The following PCDHA11 variants were observed in gnomAD, a reference collection of about 807,000 sequenced individuals.
PCDHA11 encodes protocadherin alpha-11.
Under a neutral mutation model 70.3 loss-of-function variants are expected in PCDHA11, and 61 were observed. The observed-to-expected ratio is 0.87, with a 90% CI of 0.71 to 1.07. The LOEUF is 1.07. Among genes scored for constraint, PCDHA11 ranks in the 50% least tolerant of loss-of-function variants. The probability of loss-of-function intolerance (pLI) is 0.00; values close to 1 mark genes in which losing one functional copy is unlikely to be tolerated. For missense variants in PCDHA11, 1,324 were observed against 1,237.5 expected, an observed-to-expected ratio of 1.07 and a Z score of -1.05; for synonymous variants, 633 against 555.1, an observed-to-expected ratio of 1.14 and a Z score of -1.97.
chr5:140,942,601 G>T (rs562403777), intron 1 of PCDHA11, among the ~76,000 whole-genome samples: 1 of 130,586 alleles, frequency 7.7e-6, no homozygotes, highest in South Asian at 2.4e-4. Flanking sequence ...TAATTATAGT[G>T]TTTATATTTG....
intron 1 of PCDHA11, among the ~76,000 whole-genome samples, chr5:140,872,315 AAAT>A (rs1554166135): frequency 1.3e-5 from 2 of 152,130 alleles, no homozygotes. Context: ...TGCTTTATGG[AAAT>A]AATATGACTA....
chr5:140,870,750 G>C lies in PCDHA11; in HGVS notation c.1647G>C (p.Thr549=). 2 of 1,613,506 alleles carry C rather than the reference G, an allele frequency of 1.2e-6. No individual in the cohort carries two copies. The highest frequency in any genetic ancestry group is 1.7e-6 in the Non-Finnish European group (2 of 1,179,892). ...TGCCGCCTCTGAGCAGCAACGTGAC[G>C]CTGCAGGTGTTCGTGCTGGACGAGA... ...AGVPPLSSNV[T]LQVFVLDEND... is the part of the protein sequence containing the mutation. Residue 549 remains threonine (T), a synonymous_variant, in exon 1 of 4, where the codon ACG becomes ACC. Transcript: ENST00000398640.
chr5:140,976,788 G>A (rs969853431), intron 1 of PCDHA11, among the ~76,000 whole-genome samples: 4 of 152,218 alleles, frequency 2.6e-5, no homozygotes, highest in Middle Eastern at 3.4e-3. Flanking sequence ...ATATAGCTAC[G>A]CTTTTATGAA....
chr5:140,887,526 C>G (rs914597781), intron 1 of PCDHA11, among the ~76,000 whole-genome samples: 10 of 152,086 alleles, frequency 6.6e-5, no homozygotes, highest in Admixed American at 1.3e-4. Flanking sequence ...ATATATGAGT[C>G]TTCCTCTCCC....
chr5:141,010,341 T>G lies in PCDHA11; in HGVS notation c.*404T>G, dbSNP rs199826290. The stretch of plus-strand genomic sequence containing the variant: ...GAGCAGCTTGGGAGTTTGTGGCCAC[T>G]GGGTATGTGTGGCTACCGCGGGTAT... On this transcript the variant is annotated 3_prime_UTR_variant, in exon 4 of 4. Transcript: ENST00000398640. The G allele has an allele frequency of 4.0e-6, 6 of 1,503,220 alleles. No individual in the cohort carries two copies. Among genetic ancestry groups the G allele is most frequent in the Non-Finnish European group, 4.5e-6 (5 of 1,119,592 alleles). The allele number at this position is 1,503,220 out of a possible 1,614,324, so 93.1% of individuals were successfully genotyped here.
chr5:140,900,496 C>G (rs1476220010), intron 1 of PCDHA11, among the ~76,000 whole-genome samples: 2 of 152,212 alleles, frequency 1.3e-5, no homozygotes, highest in Admixed American at 6.5e-5. Flanking sequence ...AGACTGGTCT[C>G]AAATTCCCAG....
At chr5:140,999,892 G>A (rs1329841334) in intron 3 of PCDHA11, among the ~76,000 whole-genome samples, 1 of 152,134 alleles carries the variant, frequency 6.6e-6, no homozygotes, top group Non-Finnish European at 1.5e-5. Context: ...GCTGTAGCTT[G>A]GGACACCAAA....
intron 1 of PCDHA11, among the ~76,000 whole-genome samples, chr5:140,932,481 C>T (rs945796094): frequency 6.6e-6 from 1 of 151,842 alleles, no homozygotes; most frequent in African/African-American, 2.4e-5. Flanking sequence ...AGGATATCTC[C>T]TCTTTGCAAT....
chr5:140,895,631 C>T (rs1227407918), intron 1 of PCDHA11, among the ~76,000 whole-genome samples: 4 of 152,106 alleles, frequency 2.6e-5, no homozygotes, highest in African/African-American at 9.7e-5. Context: ...TGTCTTTTCA[C>T]ATTCTTTTTT....
chr5:140,869,184 G>C lies in PCDHA11; in HGVS notation c.81G>C (p.Gly27=). The C allele has an allele frequency of 6.2e-7, 1 of 1,613,954 alleles. No homozygotes were observed. Among genetic ancestry groups the C allele is most frequent in the Non-Finnish European group, 8.5e-7 (1 of 1,179,908 alleles). Reference sequence around the variant, plus strand: ...TCCTCCTCGAATTCTGGGAGGTGGGGAGCGGCCAGCTCCACTACTCCGTCT... The same window carrying C: ...TCCTCCTCGAATTCTGGGAGGTGGGCAGCGGCCAGCTCCACTACTCCGTCT... ...WLLLLEFWEV[G]SGQLHYSVSE... The change falls in exon 1 of 4, where the codon GGG becomes GGC. Residue 27 remains glycine, a synonymous_variant. Transcript: ENST00000398640.
chr5:140,972,621 G>T (rs1278363112), intron 1 of PCDHA11, among the ~76,000 whole-genome samples: 1 of 148,458 alleles, frequency 6.7e-6, no homozygotes, highest in South Asian at 2.1e-4. Flanking sequence ...ACTGAATGTT[G>T]TTGGCACTCC....
rs2153432469 is a variant in PCDHA11, at chr5:140,890,949, A to C, written c.2391+19455A>C. On this transcript the variant is annotated intron_variant, in intron 1 of 3. Transcript: ENST00000398640. The stretch of plus-strand genomic sequence containing the variant: ...CTTTAGTCCAAAGATGCTGGTGAGG[A>C]ATGATTTCAGGTTTTGTTTTTCTGA... 2.0e-5 allele frequency among the ~76,000 whole-genome samples: 3 copies of C among 152,248 alleles called. No individual in the cohort carries two copies. The South Asian group carries it at 6.2e-4, about 32-fold the overall frequency.
chr5:140,968,899 A>T (rs782594245), intron 1 of PCDHA11: 7 of 1,614,130 alleles, frequency 4.3e-6, no homozygotes, highest in Non-Finnish European at 5.1e-6. Flanking sequence ...TAATAATAGC[A>T]TTAAGCACAG....
chr5:140,924,931 T>C (rs1414085243), intron 1 of PCDHA11, among the ~76,000 whole-genome samples: 1 of 125,890 alleles, frequency 7.9e-6, no homozygotes, highest in Admixed American at 8.0e-5. Context: ...TAAAATAAAA[T>C]AAAATAAAAA....
chr5:140,870,590 G>A lies in PCDHA11; in HGVS notation c.1487G>A (p.Arg496Gln), dbSNP rs1238282556. The change falls in exon 1 of 4, where the codon CGG becomes CAG. Residue 496 changes from arginine to glutamine, a missense_variant. Transcript: ENST00000398640. ...NALVSYSLVE[R>Q]RLGDRALSSY... ...CTGGTGTCCTACTCGCTGGTGGAGC[G>A]GCGGTTGGGCGACCGCGCGCTGTCG... 1.9e-6 allele frequency: 3 copies of A among 1,613,446 alleles called. No individual in the cohort carries two copies. Among genetic ancestry groups the A allele is most frequent in the Non-Finnish European group, 2.5e-6 (3 of 1,179,906 alleles).
chr5:140,973,203 A>T (rs1554234958), intron 1 of PCDHA11, among the ~76,000 whole-genome samples: 1 of 152,196 alleles, frequency 6.6e-6, no homozygotes, highest in Non-Finnish European at 1.5e-5. Flanking sequence ...ATGTGTGCAT[A>T]TTCACCCTAA....
intron 3 of PCDHA11, among the ~76,000 whole-genome samples, chr5:140,991,894 C>T (rs1426754578): frequency 6.6e-6 from 1 of 152,164 alleles, no homozygotes; most frequent in Non-Finnish European, 1.5e-5. Context: ...AACAAATTAA[C>T]ACAAAATCCC....
chr5:140,873,461 T>A (rs2054305243), intron 1 of PCDHA11, among the ~76,000 whole-genome samples: 1 of 152,224 alleles, frequency 6.6e-6, no homozygotes, highest in Admixed American at 6.5e-5. Context: ...GCATTTTAGA[T>A]AATTCAAATT....
intron 1 of PCDHA11, among the ~76,000 whole-genome samples, chr5:140,944,008 C>T (rs1253527034): frequency 1.3e-5 from 2 of 152,054 alleles, no homozygotes; most frequent in Non-Finnish European, 2.9e-5. Context: ...GAGTACCCCC[C>T]AAAAGCAATT....
Sources: allele counts gnomAD v4.1 joint callset (sites outside exome capture counted in the v4.1 genomes callset), GRCh38; gene constraint gnomAD v4.1.1; transcripts MANE v1.5; gene names NCBI Gene and HGNC (gene_info 2026-07-23, HGNC 2026-07-21).